The following FOXJ3 variants were observed in gnomAD, a reference collection of about 807,000 sequenced individuals.
The protein encoded by FOXJ3 is forkhead box J3.
FOXJ3 carries 22 observed loss-of-function variants against 76.1 expected under a neutral mutation model. That is an observed-to-expected ratio of 0.29 (90% confidence interval 0.21 to 0.41). The LOEUF (loss-of-function observed/expected upper bound fraction) is 0.41, where lower values mean the gene tolerates loss of function less well. Among genes scored for constraint, FOXJ3 ranks in the 10% least tolerant of loss-of-function variants. The pLI, the probability that FOXJ3 is intolerant of heterozygous loss-of-function variation, is 1.00. For synonymous variants in FOXJ3, 269 were observed against 261.2 expected, an observed-to-expected ratio of 1.03 and a Z score of -0.29; for missense variants, 613 against 762.1, an observed-to-expected ratio of 0.80 and a Z score of 2.30.
rs1407722705 is a variant in FOXJ3, at chr1:42,178,216, T to G, written c.*1494A>C. 6.6e-6 allele frequency: 1 copy of G among 152,088 alleles called. No homozygotes were observed. The highest frequency in any genetic ancestry group is 1.5e-5 in the Non-Finnish European group (1 of 68,020). 9.4% of individuals were successfully genotyped at this position (152,088 alleles called of 1,614,324 possible). On this transcript the variant is annotated 3_prime_UTR_variant, in exon 13 of 13. Transcript: ENST00000361346. ...AACAGAAACAGCAGGCCACATAATA[T>G]CTACATTAAACACTGAAGCAAATAA...
At chr1:42,265,557 T>C (rs1014205305) in intron 3 of FOXJ3, among the ~76,000 whole-genome samples, 1 of 152,212 alleles carries the variant, frequency 6.6e-6, no homozygotes, top group African/African-American at 2.4e-5. Flanking sequence ...ACTTATTTTA[T>C]TTATTTATTC....
intron 2 of FOXJ3, among the ~76,000 whole-genome samples, chr1:42,309,188 C>T (rs1654655110): frequency 6.6e-6 from 1 of 152,040 alleles, no homozygotes; most frequent in African/African-American, 2.4e-5. Context: ...ATGGCTCTGG[C>T]AATTTTGTAT....
chr1:42,202,256 T>C (rs1646777648), intron 6 of FOXJ3, among the ~76,000 whole-genome samples: 1 of 152,232 alleles, frequency 6.6e-6, no homozygotes, highest in Non-Finnish European at 1.5e-5. Context: ...TTTGGGTTTA[T>C]ATTCCATGTG....
intron 4 of FOXJ3, among the ~76,000 whole-genome samples, chr1:42,234,302 A>T (rs1234475485): frequency 1.3e-5 from 2 of 151,972 alleles, no homozygotes; most frequent in Non-Finnish European, 1.5e-5. Flanking sequence ...CCATTTGTTT[A>T]ATTTTTTTTT....
chr1:42,281,231 T>C (rs1391127052), intron 2 of FOXJ3, among the ~76,000 whole-genome samples: 1 of 152,120 alleles, frequency 6.6e-6, no homozygotes, highest in Non-Finnish European at 1.5e-5. Flanking sequence ...AATACACACA[T>C]ACCTGTCCTC....
intron 1 of FOXJ3, among the ~76,000 whole-genome samples, chr1:42,320,165 T>C (rs1655349069): frequency 2.0e-5 from 3 of 152,196 alleles, no homozygotes; most frequent in African/African-American, 7.2e-5. Context: ...AACTGCCTCT[T>C]TTCCTCCATA....
At chr1:42,299,588 A>G (rs1654006477) in intron 2 of FOXJ3, among the ~76,000 whole-genome samples, 1 of 149,268 alleles carries the variant, frequency 6.7e-6, no homozygotes, top group African/African-American at 2.5e-5. Context: ...TAAGCGGAGC[A>G]TTTAGGCCAT....
intron 12 of FOXJ3, among the ~76,000 whole-genome samples, chr1:42,180,454 T>C (rs1646295913): frequency 6.6e-6 from 1 of 151,976 alleles, no homozygotes; most frequent in South Asian, 2.1e-4. Context: ...CTCCACCGTA[T>C]CTTGACAGAC....
chr1:42,243,742 C>T (rs1649326846), intron 4 of FOXJ3, among the ~76,000 whole-genome samples: 1 of 152,084 alleles, frequency 6.6e-6, no homozygotes, highest in South Asian at 2.1e-4. Flanking sequence ...ATATATGCAT[C>T]CAACACTGGA....
At chr1:42,316,692 A>G (rs1259902091) in intron 1 of FOXJ3, among the ~76,000 whole-genome samples, 1 of 152,198 alleles carries the variant, frequency 6.6e-6, no homozygotes, top group Non-Finnish European at 1.5e-5. Context: ...CTCAGTTACT[A>G]TGACAGTAGC....
chr1:42,189,020 A>T (rs1646491684), intron 10 of FOXJ3, 92 bp from the exon 11 acceptor site: 2 of 795,026 alleles, frequency 2.5e-6, no homozygotes, highest in African/African-American at 1.8e-5. Context: ...AGCTCTCAAA[A>T]TTTCCACTCA....
chr1:42,263,367 T>G lies in FOXJ3; in HGVS notation c.444+1748A>C, dbSNP rs138076923. Among the ~76,000 whole-genome samples the G allele has an allele frequency of 4.7e-3, 715 of 152,290 alleles. 9 individuals are homozygous for G. The highest frequency in any genetic ancestry group is 0.017 in the African/African-American group (693 of 41,570). On this transcript the variant is annotated intron_variant, in intron 4 of 12. Coordinates refer to ENST00000361346, the MANE Select transcript of FOXJ3 (RefSeq NM_014947.5). ...CAAAATGTTTACAGAACCCAAATAG[T>G]AACTTCACAGGACTCTAGTAAATAA...
intron 1 of FOXJ3, among the ~76,000 whole-genome samples, chr1:42,332,408 T>A (rs1656215541): frequency 6.6e-6 from 1 of 152,206 alleles, no homozygotes; most frequent in Non-Finnish European, 1.5e-5. Flanking sequence ...TATGAAGATT[T>A]AATGAATTAA....
intron 4 of FOXJ3, among the ~76,000 whole-genome samples, chr1:42,262,241 T>C (rs1473685313): frequency 6.6e-6 from 1 of 152,190 alleles, no homozygotes; most frequent in Non-Finnish European, 1.5e-5. Context: ...CCTTAAGTAC[T>C]TTTCCCTTTA....
chr1:42,297,077 G>A (rs1389550646), intron 2 of FOXJ3, among the ~76,000 whole-genome samples: 1 of 151,968 alleles, frequency 6.6e-6, no homozygotes, highest in Non-Finnish European at 1.5e-5. Context: ...TGTGTCTACT[G>A]TAAATGGGAT....
intron 6 of FOXJ3, among the ~76,000 whole-genome samples, chr1:42,200,773 G>A (rs576216637): frequency 2.6e-5 from 4 of 152,156 alleles, no homozygotes; most frequent in South Asian, 2.1e-4. Context: ...ATGAACCACC[G>A]CACCTGGCCT....
chr1:42,309,994 A>C (rs146368420), intron 2 of FOXJ3, among the ~76,000 whole-genome samples: 56 of 152,300 alleles, frequency 3.7e-4, no homozygotes, highest in African/African-American at 1.2e-3. Context: ...TACATTTCTC[A>C]TGTTTTATTG....
At chr1:42,226,495 G>A (rs1005952479) in intron 5 of FOXJ3, among the ~76,000 whole-genome samples, 2 of 152,116 alleles carry the variant, frequency 1.3e-5, no homozygotes, top group Admixed American at 6.5e-5. Context: ...TGTAATCCCA[G>A]CTACTTGGGA....
chr1:42,188,767 G>A lies in FOXJ3; in HGVS notation c.1615C>T (p.Pro539Ser), dbSNP rs1646486227. 6.2e-7 allele frequency: 1 copy of A among 1,607,390 alleles called. No homozygotes were observed. Among genetic ancestry groups the A allele is most frequent in the Non-Finnish European group, 8.5e-7 (1 of 1,176,188 alleles). ...QQNVCHGAMHPTKPSQHIGTG... is the reference protein window; with the variant it reads ...QQNVCHGAMHSTKPSQHIGTG... The stretch of plus-strand genomic sequence containing the variant: ...CCAATGTGTTGGGAAGGTTTTGTTG[G>A]ATGCATGGCACCATGACAAACATTT... The change falls in exon 11 of 13, where the codon CCA (proline) becomes TCA (serine). Residue 539 changes from proline (P) to serine (S), a missense_variant. Coordinates refer to ENST00000361346, the MANE Select transcript of FOXJ3 (RefSeq NM_014947.5).
Sources: gnomAD v4.1 joint callset for allele counts (sites outside exome capture counted in the v4.1 genomes callset) on GRCh38, gnomAD v4.1.1 for gene constraint, MANE v1.5 for transcripts, NCBI Gene and HGNC (gene_info 2026-07-23, HGNC 2026-07-21) for gene names.